CABLES1: variants seen among roughly 807,000 people sequenced by gnomAD.
The protein encoded by CABLES1 is Cdk5 and Abl enzyme substrate 1, also known as CDK5 and ABL1 enzyme substrate 1.
Under a neutral mutation model 57.8 loss-of-function variants are expected in CABLES1, and 36 were observed. That is an observed-to-expected ratio of 0.62 (90% confidence interval 0.48 to 0.82). The LOEUF is 0.82. CABLES1 is among the 40% of genes least tolerant of loss of function. The pLI is 0.00. For missense variants in CABLES1, 767 were observed against 836.6 expected, an observed-to-expected ratio of 0.92 and a Z score of 1.03; for synonymous variants, 374 against 363.0, an observed-to-expected ratio of 1.03 and a Z score of -0.35.
chr18:23,243,100 A>G (rs573709640), intron 7 of CABLES1, among the ~76,000 whole-genome samples: 6 of 151,442 alleles, frequency 4.0e-5, no homozygotes, highest in Non-Finnish European at 7.4e-5. Context: ...AACTATATAT[A>G]TATCTATTTC....
chr18:23,184,272 C>T (rs2145009181), intron 1 of CABLES1, among the ~76,000 whole-genome samples: 1 of 151,958 alleles, frequency 6.6e-6, no homozygotes, highest in African/African-American at 2.4e-5. Context: ...ATCAGAAGTG[C>T]CCATGCGTGC....
At chr18:23,152,648 C>G (rs553842868) in intron 1 of CABLES1, among the ~76,000 whole-genome samples, 43 of 151,724 alleles carry the variant, frequency 2.8e-4, no homozygotes, top group African/African-American at 9.7e-4. Flanking sequence ...TCATGCCCGG[C>G]TAATTTTTGT....
chr18:23,144,139 T>C (rs1211843882), intron 1 of CABLES1, among the ~76,000 whole-genome samples: 1 of 152,212 alleles, frequency 6.6e-6, no homozygotes, highest in Non-Finnish European at 1.5e-5. Context: ...CCCATGCTCG[T>C]ACACGCTCCT....
chr18:23,200,464 A>T (rs182424761), intron 3 of CABLES1, among the ~76,000 whole-genome samples: 2 of 152,102 alleles, frequency 1.3e-5, no homozygotes, highest in Non-Finnish European at 2.9e-5. Context: ...GGGTTTCACC[A>T]TGTTAGCCAG....
At chr18:23,194,638 G>T in intron 3 of CABLES1, 98 bp downstream of exon 3, 2 of 766,434 alleles carry the variant, frequency 2.6e-6, no homozygotes, top group Non-Finnish European at 2.3e-6. Flanking sequence ...GCAAACGCAA[G>T]CCCACACTTT....
intron 3 of CABLES1, among the ~76,000 whole-genome samples, chr18:23,202,815 T>C (rs2047334900): frequency 2.0e-5 from 3 of 151,848 alleles, no homozygotes; most frequent in African/African-American, 7.3e-5. Context: ...TGAAACCCCA[T>C]CTCTACTAAA....
intron 1 of CABLES1, among the ~76,000 whole-genome samples, chr18:23,161,215 A>G (rs1264622741): frequency 6.6e-6 from 1 of 152,172 alleles, no homozygotes; most frequent in Non-Finnish European, 1.5e-5. Context: ...GTCTCTCAAA[A>G]TAAATGAATA....
chr18:23,218,813 A>G (rs565419621), intron 4 of CABLES1, among the ~76,000 whole-genome samples: 5 of 152,178 alleles, frequency 3.3e-5, no homozygotes, highest in Admixed American at 6.5e-5. Flanking sequence ...CTATTCATTC[A>G]TTCTTTTATG....
chr18:23,234,735 T>G, intron 5 of CABLES1, 31 bp downstream of exon 5: 1 of 1,568,072 alleles, frequency 6.4e-7, no homozygotes, highest in South Asian at 1.1e-5. Flanking sequence ...GTCACCAAGT[T>G]GTGCTGAAGG....
intron 3 of CABLES1, among the ~76,000 whole-genome samples, chr18:23,206,606 G>T (rs2047365374): frequency 6.6e-6 from 1 of 152,186 alleles, no homozygotes; most frequent in African/African-American, 2.4e-5. Flanking sequence ...GTCCACGTTG[G>T]ACTTCTCAAA....
At chr18:23,251,274 G>A (rs1170779642) in intron 7 of CABLES1, among the ~76,000 whole-genome samples, 1 of 152,084 alleles carries the variant, frequency 6.6e-6, no homozygotes, top group South Asian at 2.1e-4. Context: ...CCAACATGGC[G>A]AACCCCCATT....
intron 1 of CABLES1, among the ~76,000 whole-genome samples, chr18:23,150,207 G>GGTTT (rs1555658962): frequency 9.4e-6 from 1 of 106,674 alleles, no homozygotes; most frequent in Admixed American, 1.1e-4. Flanking sequence ...GTTGGTGTTT[G>GGTTT]TTTTTTTTTT....
intron 1 of CABLES1, among the ~76,000 whole-genome samples, chr18:23,163,226 T>C (rs988113639): frequency 1.3e-5 from 2 of 151,928 alleles, no homozygotes; most frequent in African/African-American, 4.8e-5. Flanking sequence ...GAGGTTGAGT[T>C]TGGCAGTGAA....
chr18:23,165,329 C>T (rs2144981735), intron 1 of CABLES1, among the ~76,000 whole-genome samples: 1 of 152,230 alleles, frequency 6.6e-6, no homozygotes, highest in Non-Finnish European at 1.5e-5. Context: ...AGCTCCTGGC[C>T]TCAAGCAGTT....
intron 1 of CABLES1, among the ~76,000 whole-genome samples, chr18:23,169,310 T>C (rs555571344): frequency 4.6e-5 from 7 of 152,270 alleles, no homozygotes; most frequent in Admixed American, 1.3e-4. Context: ...TTCTTTACTT[T>C]CTTAATAAAC....
intron 9 of CABLES1, among the ~76,000 whole-genome samples, chr18:23,256,960 C>CCATGT (rs1204679697): frequency 6.6e-6 from 1 of 152,144 alleles, no homozygotes; most frequent in Admixed American, 6.5e-5. Flanking sequence ...GGAGCATGAA[C>CCATGT]CATGTCATAT....
intron 2 of CABLES1, among the ~76,000 whole-genome samples, chr18:23,189,636 G>C (rs1219090705): frequency 6.6e-6 from 1 of 152,224 alleles, no homozygotes; most frequent in Admixed American, 6.5e-5. Context: ...TGCAGGGCAG[G>C]CGGCAGCAGG....
chr18:23,253,956 G>T lies in CABLES1; in HGVS notation c.1761+20G>T, dbSNP rs781193535. 1 of 1,606,530 alleles carries T rather than the reference G, an allele frequency of 6.2e-7. No individual in the cohort carries two copies. The highest frequency in any genetic ancestry group is 8.5e-7 in the Non-Finnish European group (1 of 1,173,388). On this transcript the variant is annotated intron_variant, in intron 9 of 9. Transcript: ENST00000256925. ...ATTGACGTAAGTAGCCTTTTTCCTG[G>T]TGGCTGGAGGAGCACATGCTCCGGT...
intron 1 of CABLES1, among the ~76,000 whole-genome samples, chr18:23,144,187 G>A (rs903701497): frequency 6.6e-6 from 1 of 152,204 alleles, no homozygotes; most frequent in African/African-American, 2.4e-5. Context: ...CTGTGCTTCA[G>A]CCCTGGTCTG....
Sources: gnomAD v4.1 joint callset for allele counts (sites outside exome capture counted in the v4.1 genomes callset) on GRCh38, gnomAD v4.1.1 for gene constraint, MANE v1.5 for transcripts, NCBI Gene and HGNC (gene_info 2026-07-23, HGNC 2026-07-21) for gene names.